The following ADGRB2 variants were observed in gnomAD, a reference collection of about 807,000 sequenced individuals.
The protein encoded by ADGRB2 is brain-specific angiogenesis inhibitor 2.
Under a neutral mutation model 178.7 loss-of-function variants are expected in ADGRB2, and 47 were observed. The observed-to-expected ratio is 0.26, with a 90% CI of 0.21 to 0.34. ADGRB2 has a LOEUF of 0.34. Among genes scored for constraint, ADGRB2 ranks in the 10% least tolerant of loss-of-function variants. The pLI, the probability that ADGRB2 is intolerant of heterozygous loss-of-function variation, is 1.00. For synonymous variants in ADGRB2, 870 were observed against 912.4 expected (o/e 0.95, Z 0.84); for missense variants, 1,584 against 2,180.8 (o/e 0.73, Z 5.45).
At chr1:31,731,493 G>A in intron 28 of ADGRB2, 74 bp from the exon 29 acceptor site, 1 of 1,503,664 alleles carries the variant, frequency 6.7e-7, no homozygotes, top group South Asian at 1.3e-5. Context: ...CCCAGGCTGG[G>A]GAGGTACCAA....
rs1645818071 is a variant in ADGRB2, at chr1:31,739,547, C to T, written c.2256G>A (p.Val752=). 1 of 1,612,866 alleles carries T rather than the reference C, an allele frequency of 6.2e-7. No individual in the cohort carries two copies. The part of the protein sequence containing the change: ...MRGRRGMKDW[V]RHSEDRLFLP... ...GGAAGAGGCGGTCCTCTGAGTGCCGCACCCAGTCCTTCATGCCCCGGCGGC... is the reference window on the plus strand; with the variant it reads ...GGAAGAGGCGGTCCTCTGAGTGCCGTACCCAGTCCTTCATGCCCCGGCGGC... Residue 752 remains valine (V), a synonymous_variant, in exon 15 of 33, where the codon GTG becomes GTA. Coordinates refer to ENST00000373658, the MANE Select transcript of ADGRB2 (RefSeq NM_001364857.2).
chr1:31,752,637 G>A (rs1646633638), intron 4 of ADGRB2, among the ~76,000 whole-genome samples: 1 of 152,208 alleles, frequency 6.6e-6, no homozygotes, highest in Non-Finnish European at 1.5e-5. Context: ...CATTCGAGGA[G>A]CCTCAGTTGA....
chr1:31,732,583 C>A lies in ADGRB2; in HGVS notation c.3654G>T (p.Gly1218=). The change falls in exon 27 of 33, where the codon GGG becomes GGT. Residue 1218 remains glycine (G), a synonymous_variant. Coordinates refer to ENST00000373658, the MANE Select transcript of ADGRB2 (RefSeq NM_001364857.2). ...EVQDVVKCQM[G]VCRADESEDS... is the part of the protein sequence containing the mutation. ...CTTCGCTCTCATCAGCCCGGCACAC[C>A]CCCATCTGGCACTTCACCACATCCT... 2 of 1,614,140 alleles carry A rather than the reference C, an allele frequency of 1.2e-6. No individual in the cohort carries two copies. Among genetic ancestry groups the A allele is most frequent in the South Asian group, 1.1e-5 (1 of 91,080 alleles).
chr1:31,755,891 G>T lies in ADGRB2; in HGVS notation c.838+108C>A. The T allele has an allele frequency of 7.0e-7, 1 of 1,424,090 alleles. No individual in the cohort carries two copies. Among genetic ancestry groups the T allele is most frequent in the Non-Finnish European group, 9.5e-7 (1 of 1,050,752 alleles). 88.2% of individuals were successfully genotyped at this position (1,424,090 alleles called of 1,614,324 possible). ...TTTGGACAAGGCTCAGCAGAGGGGT[G>T]ACATCAGTGAACAGCTACATGCATG... is the stretch of plus-strand genomic sequence containing the variant. On this transcript the variant is annotated intron_variant, in intron 4 of 32. Coordinates refer to ENST00000373658, the MANE Select transcript of ADGRB2 (RefSeq NM_001364857.2). The surrounding 1 kb of genome is among the most constrained non-coding windows in gnomAD (Gnocchi z 5.1).
In ADGRB2 at chr1:31,741,968, C is replaced by T. The variant is rs1645995420; in HGVS notation, c.1418-1G>A. On this transcript the variant is annotated splice_acceptor_variant, in intron 8 of 32. Coordinates refer to ENST00000373658, the MANE Select transcript of ADGRB2 (RefSeq NM_001364857.2). LOFTEE classifies it high-confidence loss of function. The surrounding 1 kb of genome is among the most constrained non-coding windows in gnomAD (Gnocchi z 6.5). ...CATGGCCCCCACTTGCTATCAGTGG[C>T]TGTGGGAGAGGTGAGGCATATGAGT... 1 of 1,587,684 alleles carries T rather than the reference C, an allele frequency of 6.3e-7. No individual in the cohort carries two copies. The highest frequency in any genetic ancestry group is 8.6e-7 in the Non-Finnish European group (1 of 1,162,572).
In ADGRB2 at chr1:31,739,681, C is replaced by CA. The variant is rs748092263; in HGVS notation, c.2168-47dup. ...ACAGAGACAGACAGAGGGGCAGAAA[C>CA]AAAGGGTGGCAGACCAGGGGAAGAG... On this transcript the variant is annotated intron_variant, in intron 14 of 32. Coordinates refer to ENST00000373658, the MANE Select transcript of ADGRB2 (RefSeq NM_001364857.2). 5.2e-6 allele frequency: 8 copies of CA among 1,533,186 alleles called. No individual in the cohort carries two copies. In the South Asian group the frequency reaches 1.0e-4, roughly 20 times the overall value. The allele number at this position is 1,533,186 out of a possible 1,614,324, so 95.0% of individuals were successfully genotyped here.
chr1:31,729,928 A>G (rs1645190918), intron 29 of ADGRB2, among the ~76,000 whole-genome samples: 1 of 152,226 alleles, frequency 6.6e-6, no homozygotes. Flanking sequence ...TGGGAGAAAA[A>G]CTAAACTTGT....
intron 29 of ADGRB2, among the ~76,000 whole-genome samples, chr1:31,729,700 G>A (rs1420490311): frequency 6.6e-6 from 1 of 152,192 alleles, no homozygotes; most frequent in East Asian, 1.9e-4. Context: ...TGTCATCCTT[G>A]ACCCCTCAAA....
rs767956631 is a variant in ADGRB2 at position 31,759,772 on chromosome 1, T to C, written c.-190-2261A>G. ...CCTCCTGCCTGTGTATAGCCAGGCC[T>C]GTCCTCCTGGGGGCACTGATGACCC... On this transcript the variant is annotated intron_variant, in intron 1 of 32. Transcript: ENST00000373658. The surrounding 1 kb of genome is among the most constrained non-coding windows in gnomAD (Gnocchi z 4.3). 1.3e-4 allele frequency among the ~76,000 whole-genome samples: 20 copies of C among 152,278 alleles called. No individual in the cohort carries two copies. Among genetic ancestry groups the C allele is most frequent in the Non-Finnish European group, 1.3e-4 (9 of 67,992 alleles).
At chr1:31,747,564 G>A (rs950989097) in intron 4 of ADGRB2, among the ~76,000 whole-genome samples, 2 of 152,026 alleles carry the variant, frequency 1.3e-5, no homozygotes, top group African/African-American at 4.8e-5. Context: ...AACTCCCCAG[G>A]CAGAGTTGGC....
In ADGRB2 at chr1:31,733,551, G is replaced by A. The variant is rs77486848; in HGVS notation, c.3453-408C>T. On this transcript the variant is annotated intron_variant, in intron 25 of 32. Coordinates refer to ENST00000373658, the MANE Select transcript of ADGRB2 (RefSeq NM_001364857.2). This position sits in a 1 kb window ranked among gnomAD's most constrained non-coding sequence, Gnocchi z 4.3. ...TAGGCTGGGGAGGGGGACTGGAAGA[G>A]GGACAAAGCAACAACAACCACAGTG... Among the ~76,000 whole-genome samples the A allele has an allele frequency of 1.4e-3, 219 of 152,160 alleles. 6 individuals carry two copies. In the East Asian group the frequency reaches 0.038, roughly 26 times the overall value.
Position 31,728,344 on chromosome 1 carries a change from G to A in ADGRB2, c.4417-64C>T, listed in dbSNP as rs1043871960. 2.6e-6 allele frequency: 4 copies of A among 1,531,402 alleles called. No homozygotes were observed. Among genetic ancestry groups the A allele is most frequent in the South Asian group, 1.1e-5 (1 of 88,044 alleles). The allele number at this position is 1,531,402 out of a possible 1,614,324, so 94.9% of individuals were successfully genotyped here. ...CAGCACCATGATCCCCCCTACCCAG[G>A]GCACTCAGCACCCCAAGCCCCCCAC... On this transcript the variant is annotated intron_variant, in intron 30 of 32. Transcript: ENST00000373658. This position sits in a 1 kb window ranked among gnomAD's most constrained non-coding sequence, Gnocchi z 6.7.
Position 31,736,734 on chromosome 1 carries a change from AG to A in ADGRB2, c.2980-12del. The A allele has an allele frequency of 6.2e-7, 1 of 1,612,000 alleles. No homozygotes were observed. The highest frequency in any genetic ancestry group is 8.5e-7 in the Non-Finnish European group (1 of 1,178,906). ...CATGGTGCACACGCCCTGCAGGGAG[AG>A]GGAATGGGAGGGAGTGGCCCTGAGC... On this transcript the variant is annotated splice_polypyrimidine_tract_variant and intron_variant, in intron 20 of 32. Coordinates refer to ENST00000373658, the MANE Select transcript of ADGRB2 (RefSeq NM_001364857.2).
chr1:31,756,279 C>T lies in ADGRB2; in HGVS notation c.558G>A (p.Leu186=), dbSNP rs762031829. ...AALAFRFVEV[L]LINNNNSSQF... Reference sequence around the variant, plus strand: ...GGCTAGAGTTGTTGTTGTTGATGAGCAAGACCTCGACAAAGCGGAAGGCTA... The same window carrying T: ...GGCTAGAGTTGTTGTTGTTGATGAGTAAGACCTCGACAAAGCGGAAGGCTA... The change falls in exon 4 of 33, where the codon TTG becomes TTA. Residue 186 remains leucine, a synonymous_variant. Coordinates refer to ENST00000373658, the MANE Select transcript of ADGRB2 (RefSeq NM_001364857.2). The surrounding 1 kb of genome is among the most constrained non-coding windows in gnomAD (Gnocchi z 8.5). 1 of 1,613,182 alleles carries T rather than the reference C, an allele frequency of 6.2e-7. No homozygotes were observed. Among genetic ancestry groups the T allele is most frequent in the Non-Finnish European group, 8.5e-7 (1 of 1,179,964 alleles).
chr1:31,762,232 A>C (rs925357543), intron 1 of ADGRB2, among the ~76,000 whole-genome samples: 2 of 152,110 alleles, frequency 1.3e-5, no homozygotes, highest in Admixed American at 6.5e-5. Context: ...GAAGAGGGGA[A>C]GATCTCTTCT....
chr1:31,735,387 A>G lies in ADGRB2; in HGVS notation c.3354-106T>C. ...GGTGGGAGGGGAGGGCAGACGAGAG[A>G]GAGAGAGCTGGGTTAGGGTGGGTGA... On this transcript the variant is annotated intron_variant, in intron 24 of 32. Transcript: ENST00000373658. The surrounding 1 kb of genome is among the most constrained non-coding windows in gnomAD (Gnocchi z 6.0). 8.4e-7 allele frequency: 1 copy of G among 1,183,642 alleles called. No individual in the cohort carries two copies. The highest frequency in any genetic ancestry group is 1.2e-6 in the Non-Finnish European group (1 of 825,138). 73.3% of individuals were successfully genotyped at this position (1,183,642 alleles called of 1,614,324 possible).
Position 31,727,756 on chromosome 1 carries a change from G to A in ADGRB2, c.4573-151C>T, listed in dbSNP as rs1645058460. The A allele has an allele frequency of 2.1e-6, 2 of 969,632 alleles. No individual in the cohort carries two copies. Among genetic ancestry groups the A allele is most frequent in the African/African-American group, 1.7e-5 (1 of 60,564 alleles). The allele number at this position is 969,632 out of a possible 1,614,324, so 60.1% of individuals were successfully genotyped here. ...GCAGAATTCAAATACAGACCTGCCT[G>A]GTTCCAGGGTGGGGCTCCTGACCCC... On this transcript the variant is annotated intron_variant, in intron 32 of 32. Coordinates refer to ENST00000373658, the MANE Select transcript of ADGRB2 (RefSeq NM_001364857.2). The surrounding 1 kb of genome is among the most constrained non-coding windows in gnomAD (Gnocchi z 4.4).
chr1:31,741,590 GT>G lies in ADGRB2; in HGVS notation c.1687+33del. ...GAAGGGGGCAATGAGAATGGCAGGG[GT>G]GGTGGTGGTGGGGAAAGCCACCTGC... On this transcript the variant is annotated intron_variant, in intron 10 of 32. Coordinates refer to ENST00000373658, the MANE Select transcript of ADGRB2 (RefSeq NM_001364857.2). This position sits in a 1 kb window ranked among gnomAD's most constrained non-coding sequence, Gnocchi z 6.5. 1.3e-6 allele frequency: 2 copies of G among 1,596,732 alleles called. No individual in the cohort carries two copies.
chr1:31,759,273 T>A lies in ADGRB2; in HGVS notation c.-190-1762A>T. On this transcript the variant is annotated intron_variant, in intron 1 of 32. Transcript: ENST00000373658. This position sits in a 1 kb window ranked among gnomAD's most constrained non-coding sequence, Gnocchi z 4.3. Reference sequence around the variant, plus strand: ...CACACAGGGGTGTAGAGGCTTACACTTGTACACATGCACAGAGGTGCACAC... The same window carrying A: ...CACACAGGGGTGTAGAGGCTTACACATGTACACATGCACAGAGGTGCACAC... 1.3e-6 allele frequency: 1 copy of A among 779,520 alleles called. No homozygotes were observed. Among genetic ancestry groups the A allele is most frequent in the Non-Finnish European group, 2.4e-6 (1 of 417,844 alleles). 48.3% of individuals were successfully genotyped at this position (779,520 alleles called of 1,614,324 possible). A position where few individuals can be genotyped will look rare whatever the true frequency, so the allele number is the denominator to read the frequency against.
Sources: gnomAD v4.1 joint callset for allele counts (sites outside exome capture counted in the v4.1 genomes callset) on GRCh38, gnomAD v4.1.1 for gene constraint, Gnocchi (gnomAD v3.1) non-coding constraint, MANE v1.5 for transcripts, NCBI Gene and HGNC (gene_info 2026-07-23, HGNC 2026-07-21) for gene names.